Variants in NR3C1 observed in about 807,000 individuals in gnomAD.
The protein encoded by NR3C1 is nuclear receptor subfamily 3 group C member 1.
A neutral mutation model predicts 74.0 loss-of-function variants in NR3C1; 14 were observed. The observed-to-expected ratio is 0.19, with a 90% CI of 0.12 to 0.30. NR3C1 has a LOEUF of 0.30. NR3C1 is among the 10% of genes least tolerant of loss of function. The pLI is 1.00. For synonymous variants in NR3C1, 308 were observed against 332.5 expected (o/e 0.93, Z 0.80); for missense variants, 695 against 909.8 (o/e 0.76, Z 3.04).
Position 143,314,424 on chromosome 5 carries a change from T to C in NR3C1, c.1185-256A>G, listed in dbSNP as rs61753478. Among the ~76,000 whole-genome samples the C allele has an allele frequency of 4.1e-3, 616 of 149,964 alleles. 6 individuals carry two copies. Among genetic ancestry groups the C allele is most frequent in the African/African-American group, 8.3e-3 (344 of 41,232 alleles). Reference sequence around the variant, plus strand: ...TGGTTCTGGTTCACTTCTTCTTCTTTTTTTTTTTTTTTTTAGATGCTTAGG... The same window carrying C: ...TGGTTCTGGTTCACTTCTTCTTCTTCTTTTTTTTTTTTTTAGATGCTTAGG... On this transcript the variant is annotated intron_variant, in intron 2 of 8. Transcript: ENST00000394464.
At chr5:143,429,743 G>T (rs2151963572) in intron 1 of NR3C1, among the ~76,000 whole-genome samples, 1 of 152,304 alleles carries the variant, frequency 6.6e-6, no homozygotes, top group South Asian at 2.1e-4. Flanking sequence ...TAGAAGAATG[G>T]TTAAATTAAT....
intron 7 of NR3C1, chr5:143,293,784 A>C: frequency 7.5e-6 from 5 of 665,124 alleles, no homozygotes; most frequent in Non-Finnish European, 9.3e-6. Flanking sequence ...ATTTTTTAAC[A>C]AGAAGAACTC....
chr5:143,369,154 C>T (rs1480001587), intron 2 of NR3C1, among the ~76,000 whole-genome samples: 1 of 152,178 alleles, frequency 6.6e-6, no homozygotes, highest in Non-Finnish European at 1.5e-5. Context: ...AGGGGACAAA[C>T]ATTCGAACCA....
At chr5:143,404,923 A>G (rs911094726), upstream of NR3C1, among the ~76,000 whole-genome samples, 2 of 152,156 alleles carry the variant, frequency 1.3e-5, no homozygotes, top group Non-Finnish European at 2.9e-5. Flanking sequence ...GCCCCTACAA[A>G]TAAAACAAAA....
At position 143,373,099 on chromosome 5, in the gene NR3C1, G is replaced by A. The variant is rs541972929; in HGVS notation, c.1184+26557C>T. On this transcript the variant is annotated intron_variant, in intron 2 of 8. Transcript: ENST00000394464. ...ATACTGCCACAAATGTAAAAGACTAGCACTAGTAAAAGTTGATGAGAACAC... is the reference window on the plus strand; with the variant it reads ...ATACTGCCACAAATGTAAAAGACTAACACTAGTAAAAGTTGATGAGAACAC... Among the ~76,000 whole-genome samples the A allele has an allele frequency of 7.9e-5, 12 of 152,188 alleles. No individual in the cohort carries two copies. In the South Asian group the frequency reaches 1.7e-3, roughly 21 times the overall value.
Position 143,279,991 on chromosome 5 carries a change from T to A in NR3C1, c.*1898A>T, listed in dbSNP as rs893884543. 6.6e-6 allele frequency: 1 copy of A among 152,664 alleles called. No individual in the cohort carries two copies. Among genetic ancestry groups the A allele is most frequent in the Admixed American group, 6.6e-5 (1 of 15,262 alleles). 9.5% of individuals were successfully genotyped at this position (152,664 alleles called of 1,614,324 possible). On this transcript the variant is annotated 3_prime_UTR_variant, in exon 9 of 9. Transcript: ENST00000394464. ...GTTGGAATGAGAAGGGTGGTCAGAATGGGAGGCAGAGGATAACTTCCTCTG... is the reference window on the plus strand; with the variant it reads ...GTTGGAATGAGAAGGGTGGTCAGAAAGGGAGGCAGAGGATAACTTCCTCTG...
At chr5:143,359,855 T>C (rs1402903285) in intron 2 of NR3C1, among the ~76,000 whole-genome samples, 1 of 152,096 alleles carries the variant, frequency 6.6e-6, no homozygotes, top group Non-Finnish European at 1.5e-5. Flanking sequence ...GAGGCAGAGG[T>C]TGCAGTGAGC....
chr5:143,392,511 G>T (rs1177288471), intron 2 of NR3C1, among the ~76,000 whole-genome samples: 1 of 151,778 alleles, frequency 6.6e-6, no homozygotes, highest in Non-Finnish European at 1.5e-5. Flanking sequence ...AAGTGTTAAG[G>T]TTTCCTGGTT....
At chr5:143,388,920 T>C (rs140246219) in intron 2 of NR3C1, among the ~76,000 whole-genome samples, 1 of 152,232 alleles carries the variant, frequency 6.6e-6, no homozygotes. Context: ...TTTCATCCAT[T>C]AGTTGCTGAA....
chr5:143,397,560 T>C (rs1028292321), intron 2 of NR3C1, among the ~76,000 whole-genome samples: 10 of 151,962 alleles, frequency 6.6e-5, no homozygotes, highest in African/African-American at 2.4e-4. Flanking sequence ...GTTAATGCCA[T>C]AAGGTATAAA....
chr5:143,318,443 A>G (rs1822638240), intron 2 of NR3C1, among the ~76,000 whole-genome samples: 1 of 152,180 alleles, frequency 6.6e-6, no homozygotes, highest in Non-Finnish European at 1.5e-5. Flanking sequence ...ATTATCATGC[A>G]TTAGTCATCT....
chr5:143,368,503 T>A (rs1277745519), intron 2 of NR3C1, among the ~76,000 whole-genome samples: 7 of 151,578 alleles, frequency 4.6e-5, no homozygotes, highest in African/African-American at 1.2e-4. Flanking sequence ...TTAGAATATA[T>A]CTGCATATAT....
At chr5:143,432,049 G>A (rs1751857932) in intron 1 of NR3C1, among the ~76,000 whole-genome samples, 1 of 152,160 alleles carries the variant, frequency 6.6e-6, no homozygotes, top group Admixed American at 6.5e-5. Context: ...ATATGTGTAC[G>A]ACTATCAGGG....
At chr5:143,332,890 T>A (rs1187461926) in intron 2 of NR3C1, 1 of 1,501,492 alleles carries the variant, frequency 6.7e-7, no homozygotes, top group Non-Finnish European at 9.2e-7. Flanking sequence ...CTAAAAATGC[T>A]GCATATAGTG....
intron 2 of NR3C1, among the ~76,000 whole-genome samples, chr5:143,370,522 T>A (rs943224080): frequency 6.6e-6 from 1 of 152,252 alleles, no homozygotes; most frequent in Admixed American, 6.5e-5. Context: ...TTGTATTTTT[T>A]AAACTGCATA....
chr5:143,330,421 C>T (rs33383), intron 2 of NR3C1, among the ~76,000 whole-genome samples: 79,773 of 151,946 alleles, frequency 0.53, 21,469 homozygotes, highest in East Asian at 0.75. Context: ...CTAAAATAAT[C>T]GTCAGATTTA....
chr5:143,292,355 GTTT>G (rs1169118683), intron 7 of NR3C1, among the ~76,000 whole-genome samples: 1 of 151,760 alleles, frequency 6.6e-6, no homozygotes, highest in Non-Finnish European at 1.5e-5. Flanking sequence ...TTAAATCTCA[GTTT>G]TTTTTAGTGG....
intron 5 of NR3C1, among the ~76,000 whole-genome samples, chr5:143,299,947 C>T (rs1480361593): frequency 6.6e-6 from 1 of 152,190 alleles, no homozygotes; most frequent in African/African-American, 2.4e-5. Flanking sequence ...TCAGAGCTGA[C>T]ACTAACATTG....
intron 4 of NR3C1, among the ~76,000 whole-genome samples, chr5:143,306,922 A>G (rs1306262191): frequency 9.9e-6 from 1 of 101,276 alleles, no homozygotes; most frequent in Admixed American, 1.6e-4. Context: ...TTTGAGACGG[A>G]GTCTCGCTCT....
Sources: allele counts gnomAD v4.1 joint callset (sites outside exome capture counted in the v4.1 genomes callset), GRCh38; gene constraint gnomAD v4.1.1; transcripts MANE v1.5; gene names NCBI Gene and HGNC (gene_info 2026-07-23, HGNC 2026-07-21).